ADAMTS17: variants seen among roughly 807,000 people sequenced by gnomAD.
ADAMTS17 encodes A disintegrin and metalloproteinase with thrombospondin motifs 17.
In ADAMTS17, 113 loss-of-function variants were observed where a neutral mutation model predicts 141.5. That is an observed-to-expected ratio of 0.80 (90% CI 0.69 to 0.93). The LOEUF (loss-of-function observed/expected upper bound fraction) is 0.93. Ranked by LOEUF, ADAMTS17 falls within the 40% of genes least tolerant of loss-of-function variation. ADAMTS17 has a pLI of 0.00. For missense variants in ADAMTS17, 1,659 were observed against 1,517.9 expected, an observed-to-expected ratio of 1.09 and a Z score of -1.54; for synonymous variants, 768 against 630.6, an observed-to-expected ratio of 1.22 and a Z score of -3.27.
chr15:100,025,582 T>G (rs1379016322), intron 18 of ADAMTS17, among the ~76,000 whole-genome samples: 1 of 152,052 alleles, frequency 6.6e-6, no homozygotes, highest in African/African-American at 2.4e-5. Context: ...CAGCTAATTT[T>G]TTTGTATTTT....
intron 3 of ADAMTS17, among the ~76,000 whole-genome samples, chr15:100,316,841 T>C (rs1596508379): frequency 6.6e-6 from 1 of 152,224 alleles, no homozygotes; most frequent in African/African-American, 2.4e-5. Flanking sequence ...GGCTGACTTG[T>C]CCCAGCCTCT....
At chr15:100,087,716 A>G (rs148395522) in intron 15 of ADAMTS17, among the ~76,000 whole-genome samples, 45 of 152,366 alleles carry the variant, frequency 3.0e-4, no homozygotes, top group Non-Finnish European at 5.7e-4. Context: ...TCCAGCATAT[A>G]AACAGAACCA....
intron 8 of ADAMTS17, among the ~76,000 whole-genome samples, chr15:100,178,702 G>A (rs750875965): frequency 8.6e-5 from 13 of 151,764 alleles, no homozygotes; most frequent in Non-Finnish European, 1.3e-4. Flanking sequence ...ATTTTCTTTG[G>A]AGAGCTTATT....
chr15:100,273,953 G>A (rs1254254331), intron 4 of ADAMTS17, among the ~76,000 whole-genome samples: 1 of 152,140 alleles, frequency 6.6e-6, no homozygotes, highest in East Asian at 1.9e-4. Flanking sequence ...TTATTTAATA[G>A]TATGTGGTTT....
chr15:100,159,218 C>A (rs186011044), intron 8 of ADAMTS17, among the ~76,000 whole-genome samples: 1 of 152,170 alleles, frequency 6.6e-6, no homozygotes, highest in Non-Finnish European at 1.5e-5. Context: ...TGAACCCAAC[C>A]TAAACAGCCA....
At chr15:100,086,160 A>G (rs1234683177) in intron 15 of ADAMTS17, among the ~76,000 whole-genome samples, 1 of 152,166 alleles carries the variant, frequency 6.6e-6, no homozygotes, top group Non-Finnish European at 1.5e-5. Context: ...AGACCTACCA[A>G]GCAGATGGAA....
Position 100,152,745 on chromosome 15 carries a change from C to T in ADAMTS17, c.1340G>A (p.Cys447Tyr). 6.2e-7 allele frequency: 1 copy of T among 1,614,154 alleles called. No individual in the cohort carries two copies. Among genetic ancestry groups the T allele is most frequent in the Non-Finnish European group, 8.5e-7 (1 of 1,180,042 alleles). ...GCTTCTGGGGTCCGTGACTAGCAAG[C>T]AGGTGCTGACTTTTGACCTGAAACA... ...ENFLKSKVST[C>Y]LLVTDPRSQH... is the part of the protein sequence containing the mutation. The change falls in exon 10 of 22, where the codon TGC (cysteine) becomes TAC (tyrosine). Residue 447 changes from cysteine to tyrosine, a missense_variant. Physicochemically the swap from Cys to Tyr is radical, Grantham distance 194 (BLOSUM62 -2). Transcript: ENST00000268070.
chr15:100,271,984 A>G (rs2043929498), intron 4 of ADAMTS17, among the ~76,000 whole-genome samples: 1 of 151,924 alleles, frequency 6.6e-6, no homozygotes, highest in Non-Finnish European at 1.5e-5. Context: ...TCACTTCTCT[A>G]TTGAAGGTCT....
At chr15:100,103,417 A>C (rs1342094495) in intron 14 of ADAMTS17, among the ~76,000 whole-genome samples, 1 of 152,122 alleles carries the variant, frequency 6.6e-6, no homozygotes, top group Non-Finnish European at 1.5e-5. Flanking sequence ...GAATTCTCCT[A>C]AACTTCCCCA....
intron 14 of ADAMTS17, among the ~76,000 whole-genome samples, chr15:100,101,054 C>T (rs1421902102): frequency 6.6e-6 from 1 of 152,216 alleles, no homozygotes; most frequent in African/African-American, 2.4e-5. Flanking sequence ...TGCATCAATT[C>T]TGCCTGGGCC....
At chr15:100,264,902 C>G (rs562715693) in intron 4 of ADAMTS17, among the ~76,000 whole-genome samples, 3 of 152,138 alleles carry the variant, frequency 2.0e-5, no homozygotes, top group East Asian at 1.9e-4. Context: ...CACAGCAATG[C>G]GAACCTAAGA....
At chr15:100,041,008 C>T (rs1385846381) in intron 18 of ADAMTS17, among the ~76,000 whole-genome samples, 1 of 152,188 alleles carries the variant, frequency 6.6e-6, no homozygotes, top group East Asian at 1.9e-4. Flanking sequence ...CAGATTGTGG[C>T]AATAGCTAAA....
chr15:100,084,106 T>C (rs1251854194), intron 15 of ADAMTS17, among the ~76,000 whole-genome samples: 1 of 151,730 alleles, frequency 6.6e-6, no homozygotes, highest in African/African-American at 2.4e-5. Flanking sequence ...AAGAAAGGGG[T>C]GACAGACGGC....
intron 10 of ADAMTS17, among the ~76,000 whole-genome samples, chr15:100,147,119 T>C (rs2038945019): frequency 1.3e-5 from 2 of 152,170 alleles, no homozygotes; most frequent in African/African-American, 2.4e-5. Context: ...CTTTTGAAAA[T>C]CCCTAATAAA....
chr15:100,328,806 T>C (rs2045965663), intron 3 of ADAMTS17, among the ~76,000 whole-genome samples: 1 of 152,126 alleles, frequency 6.6e-6, no homozygotes, highest in Non-Finnish European at 1.5e-5. Flanking sequence ...CATTATCTCA[T>C]CTACAAGCAC....
At chr15:100,187,551 T>G (rs972769246) in intron 8 of ADAMTS17, among the ~76,000 whole-genome samples, 1 of 152,228 alleles carries the variant, frequency 6.6e-6, no homozygotes, top group East Asian at 1.9e-4. Flanking sequence ...TATGGTTTAC[T>G]CTGAACCCCC....
chr15:100,033,410 G>T (rs1018375021), intron 18 of ADAMTS17, among the ~76,000 whole-genome samples: 1 of 152,194 alleles, frequency 6.6e-6, no homozygotes, highest in Non-Finnish European at 1.5e-5. Flanking sequence ...AGTACACAGG[G>T]ATTTTCCAGT....
intron 8 of ADAMTS17, among the ~76,000 whole-genome samples, chr15:100,193,700 G>A (rs976565388): frequency 1.3e-5 from 2 of 151,494 alleles, no homozygotes; most frequent in African/African-American, 4.8e-5. Context: ...TCACTGCCAG[G>A]CACCATCTAC....
intron 4 of ADAMTS17, among the ~76,000 whole-genome samples, chr15:100,272,862 G>A (rs1214598843): frequency 4.6e-5 from 7 of 151,972 alleles, no homozygotes; most frequent in Admixed American, 4.6e-4. Flanking sequence ...TGTTGAGGTA[G>A]TTTCCTTCTA....
Sources: allele counts gnomAD v4.1 joint callset (sites outside exome capture counted in the v4.1 genomes callset), GRCh38; gene constraint gnomAD v4.1.1; transcripts MANE v1.5; gene names NCBI Gene and HGNC (gene_info 2026-07-23, HGNC 2026-07-21).